The following PSME4 variants were observed in gnomAD, a reference collection of about 807,000 sequenced individuals.
PSME4 encodes proteasome activator complex subunit 4.
In PSME4, 89 loss-of-function variants were observed where a neutral mutation model predicts 253.9. That is an observed-to-expected ratio of 0.35 (90% CI 0.30 to 0.42). The LOEUF is 0.42. Ranked by LOEUF, PSME4 falls within the 10% of genes least tolerant of loss-of-function variation. PSME4 has a pLI of 1.00. For synonymous variants in PSME4, 851 were observed against 759.2 expected, an observed-to-expected ratio of 1.12 and a Z score of -1.99; for missense variants, 2,014 against 2,195.2, an observed-to-expected ratio of 0.92 and a Z score of 1.65.
At chr2:53,960,092 C>T (rs1331512580) in intron 1 of PSME4, among the ~76,000 whole-genome samples, 2 of 152,068 alleles carry the variant, frequency 1.3e-5, no homozygotes, top group Admixed American at 1.3e-4. Flanking sequence ...ATAATCTGAC[C>T]ATCTGCAGAA....
Position 53,866,898 on chromosome 2 carries a change from A to G in PSME4, c.5264-18T>C, listed in dbSNP as rs746162500. 48 of 1,609,320 alleles carry G rather than the reference A, an allele frequency of 3.0e-5. No homozygotes were observed. The highest frequency in any genetic ancestry group is 3.9e-5 in the Non-Finnish European group (46 of 1,177,946). On this transcript the variant is annotated intron_variant, in intron 44 of 46. Transcript: ENST00000404125. ...GACCAACTCTGCAAAGAGAATAGCA[A>G]CATTTGTGCAAATATATATATGTCT...
At chr2:53,917,934 A>C (rs146481842) in intron 20 of PSME4, among the ~76,000 whole-genome samples, 1 of 152,232 alleles carries the variant, frequency 6.6e-6, no homozygotes, top group Non-Finnish European at 1.5e-5. Flanking sequence ...GCAAATTCCT[A>C]AACACACTTA....
Position 53,887,359 on chromosome 2 carries a change from A to T in PSME4, c.4629T>A (p.Pro1543=), listed in dbSNP as rs367660389. The T allele has an allele frequency of 1.1e-4, 178 of 1,613,752 alleles. No homozygotes were observed. The highest frequency in any genetic ancestry group is 2.8e-4 in the Admixed American group (17 of 59,984). ...GAATTTCTTCATCCACATCCATGAG[A>T]GGTTTCAATTTCTCCAGAATTCGAG... ...FTARILEKLK[P]LMDVDEEIQN... Residue 1543 remains proline, a synonymous_variant, in exon 40 of 47, where the codon CCT becomes CCA. Coordinates refer to ENST00000404125, the MANE Select transcript of PSME4 (RefSeq NM_014614.3).
chr2:53,948,930 T>G (rs958830111), intron 2 of PSME4, among the ~76,000 whole-genome samples: 1 of 152,188 alleles, frequency 6.6e-6, no homozygotes, highest in African/African-American at 2.4e-5. Context: ...GTTCAATGGG[T>G]GCTAGAGAAG....
At chr2:53,919,107 G>A (rs1206229694) in intron 20 of PSME4, 44 bp downstream of exon 20, 3 of 1,539,890 alleles carry the variant, frequency 1.9e-6, no homozygotes, top group Non-Finnish European at 2.7e-6. Flanking sequence ...AAGTGACTAA[G>A]ACTTAAAATA....
intron 2 of PSME4, 57 bp from the exon 3 acceptor site, chr2:53,948,594 T>C (rs889674192): frequency 9.6e-7 from 1 of 1,037,366 alleles, no homozygotes; most frequent in South Asian, 1.3e-5. Flanking sequence ...GATGTGTGTA[T>C]ACCACAAATA....
At chr2:53,970,158 G>A (rs1670985916) in intron 1 of PSME4, among the ~76,000 whole-genome samples, 2 of 152,138 alleles carry the variant, frequency 1.3e-5, no homozygotes, top group African/African-American at 2.4e-5. Context: ...CTCCCCCAAA[G>A]ACAAATTCTC....
chr2:53,938,281 T>G (rs781698927), intron 4 of PSME4, among the ~76,000 whole-genome samples: 8 of 152,138 alleles, frequency 5.3e-5, no homozygotes, highest in Non-Finnish European at 8.8e-5. Flanking sequence ...ACCATTTACC[T>G]TCCTTGGAAC....
chr2:53,906,054 C>T (rs1350478359), intron 26 of PSME4, among the ~76,000 whole-genome samples: 1 of 152,114 alleles, frequency 6.6e-6, no homozygotes, highest in Non-Finnish European at 1.5e-5. Flanking sequence ...AGTTAATTTA[C>T]ATTATTTCAT....
At chr2:53,878,285 C>T (rs1679225175) in intron 41 of PSME4, among the ~76,000 whole-genome samples, 1 of 152,212 alleles carries the variant, frequency 6.6e-6, no homozygotes, top group Admixed American at 6.5e-5. Context: ...CCAATCAATA[C>T]TCTTGTGATT....
chr2:53,893,314 T>C (rs1218026122), intron 35 of PSME4, among the ~76,000 whole-genome samples: 3 of 152,010 alleles, frequency 2.0e-5, no homozygotes, highest in Non-Finnish European at 1.5e-5. Flanking sequence ...TGTGGGGAAA[T>C]GGTTTCAAGA....
At chr2:53,970,402 C>G (rs916126385) in intron 1 of PSME4, 141 bp downstream of exon 1, 12 of 1,398,650 alleles carry the variant, frequency 8.6e-6, no homozygotes, top group African/African-American at 2.9e-5. Flanking sequence ...GGCTCTGTCA[C>G]GACCCTGGGA....
Position 53,896,823 on chromosome 2 carries a change from G to A in PSME4, c.3669C>T (p.Thr1223=), listed in dbSNP as rs1455222182. 2.5e-6 allele frequency: 4 copies of A among 1,608,904 alleles called. No individual in the cohort carries two copies. Among genetic ancestry groups the A allele is most frequent in the South Asian group, 2.2e-5 (2 of 90,976 alleles). ...ACTCACTGATTTCACAGGGGTTAAT[G>A]GTCAGCTTTTTGTGGGTTCTTTTTA... ...KQLKRTHKKL[T]INPCEISGCP... The change falls in exon 32 of 47, where the codon ACC becomes ACT. Residue 1223 remains threonine, a synonymous_variant. Transcript: ENST00000404125.
Position 53,893,524 on chromosome 2 carries a change from A to C in PSME4, c.4038+150T>G, listed in dbSNP as rs1680006603. Reference sequence around the variant, plus strand: ...AATGTCTTGTTTAGGGAATAACGACAACAAAAGTCTGTACATGTTCAGTGT... The same window carrying C: ...AATGTCTTGTTTAGGGAATAACGACCACAAAAGTCTGTACATGTTCAGTGT... On this transcript the variant is annotated intron_variant, in intron 35 of 46. Transcript: ENST00000404125. 7 of 1,424,400 alleles carry C rather than the reference A, an allele frequency of 4.9e-6. No individual in the cohort carries two copies. The South Asian group carries it at 9.3e-5, about 19-fold the overall frequency. The allele number at this position is 1,424,400 out of a possible 1,614,324, so 88.2% of individuals were successfully genotyped here.
chr2:53,893,058 G>T, intron 35 of PSME4, 98 bp from the exon 36 acceptor site: 1 of 1,087,950 alleles, frequency 9.2e-7, no homozygotes, highest in Non-Finnish European at 1.3e-6. Flanking sequence ...GTGCTTAAAA[G>T]CTCCAAGCAC....
At chr2:53,909,959 G>C (rs1239984837) in intron 21 of PSME4, 116 bp downstream of exon 21, 2 of 900,196 alleles carry the variant, frequency 2.2e-6, no homozygotes, top group African/African-American at 1.6e-5. Context: ...GACAGAGTGA[G>C]ACTCTGTCTC....
intron 3 of PSME4, among the ~76,000 whole-genome samples, chr2:53,945,964 G>A (rs534438822): frequency 6.6e-6 from 1 of 152,284 alleles, no homozygotes; most frequent in Non-Finnish European, 1.5e-5. Context: ...TCAGTGCTGT[G>A]TTTCAGTCAC....
chr2:53,895,375 C>T lies in PSME4; in HGVS notation c.3842+208G>A, dbSNP rs186554229. Among the ~76,000 whole-genome samples, 621 of 152,168 alleles carry T rather than the reference C, an allele frequency of 4.1e-3. 3 individuals carry two copies. Among genetic ancestry groups the T allele is most frequent in the Non-Finnish European group, 5.2e-3 (353 of 68,000 alleles). ...TTAATAACCTCCTTAGCCATATAAC[C>T]ATGGGATTCAGAAAGGCTAAGGGTT... On this transcript the variant is annotated intron_variant, in intron 33 of 46. Transcript: ENST00000404125.
At position 53,930,992 on chromosome 2, in the gene PSME4, A is replaced by C. The variant is rs938900263; in HGVS notation, c.1316+843T>G. 3.9e-5 allele frequency among the ~76,000 whole-genome samples: 6 copies of C among 152,346 alleles called. 1 individual carries two copies. The South Asian group carries it at 6.2e-4, about 16-fold the overall frequency. ...CTTTAAAAATTGCTCTCAAATTAAG[A>C]GTAGGCCGGGCACAGTGGCTCACAC... On this transcript the variant is annotated intron_variant, in intron 10 of 46. Coordinates refer to ENST00000404125, the MANE Select transcript of PSME4 (RefSeq NM_014614.3).
Sources: gnomAD v4.1 joint callset for allele counts (sites outside exome capture counted in the v4.1 genomes callset) on GRCh38, gnomAD v4.1.1 for gene constraint, MANE v1.5 for transcripts, NCBI Gene and HGNC (gene_info 2026-07-23, HGNC 2026-07-21) for gene names.